The following GLS variants were observed in gnomAD, a reference collection of about 807,000 sequenced individuals.
GLS encodes glutaminase kidney isoform, mitochondrial.
GLS carries 36 observed loss-of-function variants against 86.7 expected under a neutral mutation model. The observed-to-expected ratio is 0.42, with a 90% CI of 0.32 to 0.55. The LOEUF (loss-of-function observed/expected upper bound fraction) is 0.55. GLS is among the 20% of genes least tolerant of loss of function. The pLI is 0.17. For synonymous variants in GLS, 317 were observed against 305.9 expected (o/e 1.04, Z -0.38); for missense variants, 528 against 833.4 (o/e 0.63, Z 4.51).
At position 190,961,689 on chromosome 2, in the gene GLS, G is replaced by GTTTTTTTT. The variant is rs11386437; in HGVS notation, c.1854-1132_1854-1125dup. 3.7e-5 allele frequency among the ~76,000 whole-genome samples: 5 copies of GTTTTTTTT among 135,888 alleles called. 1 individual carries two copies. Among genetic ancestry groups the GTTTTTTTT allele is most frequent in the Admixed American group, 1.5e-4 (2 of 13,338 alleles). 89.1% of individuals were successfully genotyped at this position (135,888 alleles called of 152,430 possible). A position where few individuals can be genotyped will look rare whatever the true frequency, so the allele number is the denominator to read the frequency against. The stretch of plus-strand genomic sequence containing the variant: ...CTATTCAAAGTCACTTAATTCAGCT[G>GTTTTTTTT]TTTTTTTTTTTTTTTTGATAAATAC... On this transcript the variant is annotated intron_variant, in intron 17 of 17. Transcript: ENST00000320717.
At chr2:190,952,464 T>C (rs533210963) in intron 14 of GLS, among the ~76,000 whole-genome samples, 4 of 152,216 alleles carry the variant, frequency 2.6e-5, no homozygotes, top group Non-Finnish European at 4.4e-5. Context: ...TCTTACGGAC[T>C]AGTTTCTGCA....
Position 190,895,668 on chromosome 2 carries a change from G to A in GLS, c.548G>A (p.Arg183Lys), listed in dbSNP as rs1688707741. The change falls in exon 3 of 18, where the codon AGA becomes AAA. Residue 183 changes from arginine to lysine, a missense_variant. By Grantham distance (26) the Arg-to-Lys change is conservative. Around this residue, in one of 4 missense-constraint regions of GLS, gnomAD observed 111 missense variants for 179.5 expected, o/e 0.62. Coordinates refer to ENST00000320717, the MANE Select transcript of GLS (RefSeq NM_014905.5). This position sits in a 1 kb window ranked among gnomAD's most constrained non-coding sequence, Gnocchi z 4.2. ...TTGAAAGAGTGTATGGATATGTTAAGATTAACTCTTCAAACAACATCAGAT... is the reference window on the plus strand; with the variant it reads ...TTGAAAGAGTGTATGGATATGTTAAAATTAACTCTTCAAACAACATCAGAT... The part of the protein sequence containing the change: ...PRLKECMDML[R>K]LTLQTTSDGV... 1 of 1,604,124 alleles carries A rather than the reference G, an allele frequency of 6.2e-7. No individual in the cohort carries two copies. Among genetic ancestry groups the A allele is most frequent in the Non-Finnish European group, 8.5e-7 (1 of 1,171,756 alleles).
Position 190,962,632 on chromosome 2 carries a change from A to G in GLS, c.1854-198A>G, listed in dbSNP as rs1410894602. Among the ~76,000 whole-genome samples, 1 of 152,132 alleles carries G rather than the reference A, an allele frequency of 6.6e-6. No individual in the cohort carries two copies. Among genetic ancestry groups the G allele is most frequent in the Non-Finnish European group, 1.5e-5 (1 of 68,002 alleles). On this transcript the variant is annotated intron_variant, in intron 17 of 17. Coordinates refer to ENST00000320717, the MANE Select transcript of GLS (RefSeq NM_014905.5). The surrounding 1 kb of genome is among the most constrained non-coding windows in gnomAD (Gnocchi z 4.2). ...CACAGATCTTTTTCTCTTCCTCTCC[A>G]TATCCCAACTTGTCTTGGAGACTAC... is the stretch of plus-strand genomic sequence containing the variant.
chr2:190,950,556 A>G lies in GLS; in HGVS notation c.1651-3009A>G, dbSNP rs902998028. On this transcript the variant is annotated intron_variant, in intron 14 of 17. Coordinates refer to ENST00000320717, the MANE Select transcript of GLS (RefSeq NM_014905.5). ...TGTATGGTGAATTTGTCTGAATTAGAAAAAGCTAATTCTGTCTCTGGCCAG... is the reference window on the plus strand; with the variant it reads ...TGTATGGTGAATTTGTCTGAATTAGGAAAAGCTAATTCTGTCTCTGGCCAG... 8.5e-5 allele frequency among the ~76,000 whole-genome samples: 13 copies of G among 152,354 alleles called. 1 individual carries two copies. In the South Asian group the frequency reaches 1.9e-3, roughly 22 times the overall value.
intron 6 of GLS, among the ~76,000 whole-genome samples, chr2:190,906,167 TGC>T (rs1173645177): frequency 1.7e-3 from 262 of 152,256 alleles, no homozygotes; most frequent in African/African-American, 6.1e-3. Flanking sequence ...GGACATCATA[TGC>T]AGAAGCACTT....
rs1055940569 is a variant in GLS at position 190,963,524 on chromosome 2, A to G, written c.*538A>G. On this transcript the variant is annotated 3_prime_UTR_variant, in exon 18 of 18. Coordinates refer to ENST00000320717, the MANE Select transcript of GLS (RefSeq NM_014905.5). ...CTCTTAAAAAACTATAATAGTTAAC[A>G]ACTGTTAGTAAGATAGACCAATTCT... 3.3e-5 allele frequency: 5 copies of G among 152,946 alleles called. No individual in the cohort carries two copies. Among genetic ancestry groups the G allele is most frequent in the Admixed American group, 1.3e-4 (2 of 15,326 alleles). 9.5% of individuals were successfully genotyped at this position (152,946 alleles called of 1,614,324 possible).
chr2:190,948,692 C>T (rs1690639870), intron 14 of GLS, among the ~76,000 whole-genome samples: 1 of 152,078 alleles, frequency 6.6e-6, no homozygotes, highest in Non-Finnish European at 1.5e-5. Context: ...GGAAGTAAGA[C>T]ACACAAATGC....
At chr2:190,942,238 C>A (rs1690459040) in intron 14 of GLS, among the ~76,000 whole-genome samples, 1 of 151,598 alleles carries the variant, frequency 6.6e-6, no homozygotes, top group Non-Finnish European at 1.5e-5. Context: ...TGCCTCCACG[C>A]CTGGCTAATT....
Position 190,921,242 on chromosome 2 carries a change from A to G in GLS, c.1130+39A>G. On this transcript the variant is annotated intron_variant, in intron 9 of 17. Coordinates refer to ENST00000320717, the MANE Select transcript of GLS (RefSeq NM_014905.5). The surrounding 1 kb of genome is among the most constrained non-coding windows in gnomAD (Gnocchi z 4.2). ...ATACTGTTTTGTTACGTAAAAACAC[A>G]CAACTGTATTTAGAATTGATCCACT... The G allele has an allele frequency of 7.8e-7, 1 of 1,277,066 alleles. No individual in the cohort carries two copies. The allele number at this position is 1,277,066 out of a possible 1,614,324, so 79.1% of individuals were successfully genotyped here.
rs1156485593 is a variant in GLS at position 190,924,657 on chromosome 2, C to CT, written c.1248+65dup. On this transcript the variant is annotated intron_variant, in intron 11 of 17. Coordinates refer to ENST00000320717, the MANE Select transcript of GLS (RefSeq NM_014905.5). This position sits in a 1 kb window ranked among gnomAD's most constrained non-coding sequence, Gnocchi z 5.2. ...GTCGGCTGGGCACGGTGGCTCACGC[C>CT]TGTAATCCCAGCACTTTGGGAGGCC... The CT allele has an allele frequency of 1.7e-5, 15 of 892,616 alleles. No individual in the cohort carries two copies. The highest frequency in any genetic ancestry group is 2.8e-5 in the Non-Finnish European group (15 of 530,788). 55.3% of individuals were successfully genotyped at this position (892,616 alleles called of 1,614,324 possible). A position where few individuals can be genotyped will look rare whatever the true frequency, so the allele number is the denominator to read the frequency against.
chr2:190,936,390 A>G (rs575303409), intron 14 of GLS, among the ~76,000 whole-genome samples: 2 of 151,276 alleles, frequency 1.3e-5, no homozygotes, highest in African/African-American at 2.4e-5. Context: ...TTCCTTATCT[A>G]TGTACCTTAA....
intron 1 of GLS, among the ~76,000 whole-genome samples, chr2:190,885,390 A>G (rs755079713): frequency 1.1e-4 from 17 of 152,144 alleles, no homozygotes; most frequent in Admixed American, 7.9e-4. Flanking sequence ...GGGTTTCACC[A>G]TGTTGGCTGG....
In GLS at chr2:190,880,928, C is replaced by G; in HGVS notation, c.-157C>G. The stretch of plus-strand genomic sequence containing the variant: ...GCAGCAGCAGCAGCAGCACCCGCAT[C>G]CGCTGCGGGAGTCCGAGCCGGAACC... On this transcript the variant is annotated 5_prime_UTR_variant, in exon 1 of 18. The change creates a new upstream start codon in the 5' untranslated region. Coordinates refer to ENST00000320717, the MANE Select transcript of GLS (RefSeq NM_014905.5). 1.0e-6 allele frequency: 1 copy of G among 989,600 alleles called. No individual in the cohort carries two copies. Among genetic ancestry groups the G allele is most frequent in the South Asian group, 1.4e-5 (1 of 72,472 alleles). The allele number at this position is 989,600 out of a possible 1,614,324, so 61.3% of individuals were successfully genotyped here. A position where few individuals can be genotyped will look rare whatever the true frequency, so the allele number is the denominator to read the frequency against.
At position 190,934,865 on chromosome 2, in the gene GLS, A is replaced by C. The variant is rs1201092197; in HGVS notation, c.1650+3228A>C. On this transcript the variant is annotated intron_variant, in intron 14 of 17. Coordinates refer to ENST00000320717, the MANE Select transcript of GLS (RefSeq NM_014905.5). Reference sequence around the variant, plus strand: ...AATTTTTATAGAAAAGTATAAACGGAAGAAGAGATAAGATACTGCGAATAG... The same window carrying C: ...AATTTTTATAGAAAAGTATAAACGGCAGAAGAGATAAGATACTGCGAATAG... 6.5e-5 allele frequency: 64 copies of C among 979,382 alleles called. No homozygotes were observed. The Admixed American group carries it at 1.8e-3, about 27-fold the overall frequency. The allele number at this position is 979,382 out of a possible 1,614,324, so 60.7% of individuals were successfully genotyped here. A position where few individuals can be genotyped will look rare whatever the true frequency, so the allele number is the denominator to read the frequency against.
chr2:190,951,929 G>A lies in GLS; in HGVS notation c.1651-1636G>A, dbSNP rs948215700. Among the ~76,000 whole-genome samples, 8 of 152,338 alleles carry A rather than the reference G, an allele frequency of 5.3e-5. No individual in the cohort carries two copies. The East Asian group carries it at 1.5e-3, about 29-fold the overall frequency. ...GACTTTAAACAAAATTATGGGCTGA[G>A]CATGTTGGCTCATGCCTGTAATCCC... On this transcript the variant is annotated intron_variant, in intron 14 of 17. Transcript: ENST00000320717. The surrounding 1 kb of genome is among the most constrained non-coding windows in gnomAD (Gnocchi z 4.2).
Position 190,902,113 on chromosome 2 carries a change from A to T in GLS, c.815+87A>T, listed in dbSNP as rs545089973. 7.8e-6 allele frequency: 6 copies of T among 768,224 alleles called. No homozygotes were observed. In the African/African-American group the frequency reaches 8.5e-5, roughly 11 times the overall value. The allele number at this position is 768,224 out of a possible 1,614,324, so 47.6% of individuals were successfully genotyped here. On this transcript the variant is annotated intron_variant, in intron 5 of 17. Coordinates refer to ENST00000320717, the MANE Select transcript of GLS (RefSeq NM_014905.5). ...AATGACATGGAGAAGATCATCTTTT[A>T]TAATGGAAATTAGTCCTAACAGGAT...
intron 5 of GLS, among the ~76,000 whole-genome samples, chr2:190,903,613 A>G (rs554323328): frequency 6.6e-6 from 1 of 152,206 alleles, no homozygotes; most frequent in Non-Finnish European, 1.5e-5. Context: ...ATTGAATATG[A>G]TTTTTCTCTT....
In GLS at chr2:190,943,026, C is replaced by G. The variant is rs1690486428; in HGVS notation, c.1651-10539C>G. 6.6e-6 allele frequency among the ~76,000 whole-genome samples: 1 copy of G among 152,144 alleles called. No individual in the cohort carries two copies. Among genetic ancestry groups the G allele is most frequent in the Admixed American group, 6.5e-5 (1 of 15,274 alleles). On this transcript the variant is annotated intron_variant, in intron 14 of 17. Coordinates refer to ENST00000320717, the MANE Select transcript of GLS (RefSeq NM_014905.5). This position sits in a 1 kb window ranked among gnomAD's most constrained non-coding sequence, Gnocchi z 4.5. ...TCTAAATCTAAAGAAAGAAGCTTTA[C>G]TGGAAACTCACCTGACGCTCATTGA...
intron 7 of GLS, among the ~76,000 whole-genome samples, chr2:190,912,321 G>GTTTT (rs1689387019): frequency 9.7e-6 from 1 of 103,418 alleles, no homozygotes; most frequent in African/African-American, 3.2e-5. Context: ...TTTTTGTTTT[G>GTTTT]TTTTTAGCAT....
Sources: allele counts gnomAD v4.1 joint callset (sites outside exome capture counted in the v4.1 genomes callset), GRCh38; gene constraint gnomAD v4.1.1; regional missense constraint gnomAD v4.1.1; non-coding constraint Gnocchi (gnomAD v3.1); transcripts MANE v1.5; gene names NCBI Gene and HGNC (gene_info 2026-07-23, HGNC 2026-07-21).